The following PCDHA4 variants were observed in gnomAD, a reference collection of about 807,000 sequenced individuals.
PCDHA4 encodes the protein protocadherin alpha 4, also known as protocadherin alpha-4.
PCDHA4 carries 49 observed loss-of-function variants against 61.4 expected under a neutral mutation model. That is an observed-to-expected ratio of 0.80 (90% CI 0.63 to 1.01). The LOEUF (loss-of-function observed/expected upper bound fraction) is 1.01, where lower values mean the gene tolerates loss of function less well. Ranked by LOEUF, PCDHA4 falls within the 50% of genes least tolerant of loss-of-function variation. PCDHA4 has a pLI of 0.00. For synonymous variants in PCDHA4, 590 were observed against 550.3 expected, an observed-to-expected ratio of 1.07 and a Z score of -1.01; for missense variants, 1,254 against 1,235.8, an observed-to-expected ratio of 1.01 and a Z score of -0.22.
At position 140,882,318 on chromosome 5, in the gene PCDHA4, G is replaced by A. The variant is rs534213144; in HGVS notation, c.2385+72746G>A. On this transcript the variant is annotated intron_variant, in intron 1 of 3. Transcript: ENST00000530339. ...CCAAGACCGCGGCAACTACTGCTCT[G>A]GCTTCTGATCCTCGCAGCCTGGGAG... 5 of 1,614,128 alleles carry A rather than the reference G, an allele frequency of 3.1e-6. No individual in the cohort carries two copies. In the African/African-American group the frequency reaches 6.7e-5, roughly 22 times the overall value.
intron 1 of PCDHA4, among the ~76,000 whole-genome samples, chr5:140,917,332 G>C (rs182473611): frequency 8.9e-5 from 13 of 145,644 alleles, no homozygotes; most frequent in East Asian, 6.0e-4. Flanking sequence ...GGCGGGGGAG[G>C]GGGGGGATGG....
chr5:140,822,855 G>A (rs2150119838), intron 1 of PCDHA4: 1 of 1,614,216 alleles, frequency 6.2e-7, no homozygotes, highest in Non-Finnish European at 8.5e-7. Context: ...CTGTCAAAGA[G>A]GACGCTCCAC....
chr5:141,001,461 C>G (rs2098019350), intron 3 of PCDHA4, among the ~76,000 whole-genome samples: 1 of 152,214 alleles, frequency 6.6e-6, no homozygotes, highest in South Asian at 2.1e-4. Context: ...AATTGAAGGA[C>G]TAAGCAGCAG....
At chr5:140,827,971 A>G in intron 1 of PCDHA4, 7 of 1,390,040 alleles carry the variant, frequency 5.0e-6, no homozygotes, top group Middle Eastern at 1.9e-4. Context: ...TTACTGCATC[A>G]TTCCCTGACT....
intron 1 of PCDHA4, among the ~76,000 whole-genome samples, chr5:140,887,104 T>G (rs1554182871): frequency 6.6e-6 from 1 of 151,604 alleles, no homozygotes; most frequent in Admixed American, 6.6e-5. Flanking sequence ...TTTATCTCTT[T>G]TTTTTTTTTT....
At chr5:140,927,679 G>A (rs782403424) in intron 1 of PCDHA4, 11 of 1,614,188 alleles carry the variant, frequency 6.8e-6, no homozygotes, top group Non-Finnish European at 5.1e-6. Flanking sequence ...TCCAGATGAA[G>A]GGTCCAATGG....
intron 3 of PCDHA4, among the ~76,000 whole-genome samples, chr5:140,996,580 C>T (rs1351485354): frequency 6.6e-6 from 1 of 152,130 alleles, no homozygotes; most frequent in African/African-American, 2.4e-5. Context: ...AATTTGTTAA[C>T]AAGGGCCGCC....
At chr5:140,842,039 C>A (rs2150327781) in intron 1 of PCDHA4, 4 of 1,613,698 alleles carry the variant, frequency 2.5e-6, no homozygotes, top group Admixed American at 3.3e-5. Flanking sequence ...TGATAATGCT[C>A]CCACTTTCGA....
chr5:140,928,043 C>A (rs1554205400), intron 1 of PCDHA4: 1 of 1,614,192 alleles, frequency 6.2e-7, no homozygotes, highest in Non-Finnish European at 8.5e-7. Context: ...AGTGCAGGCC[C>A]TTTTCAGCTG....
chr5:140,967,251 CG>C, intron 1 of PCDHA4: 1 of 1,613,410 alleles, frequency 6.2e-7, no homozygotes, highest in Non-Finnish European at 8.5e-7. Flanking sequence ...GAATCGGTGG[CG>C]CCTGGAGCGC....
intron 3 of PCDHA4, among the ~76,000 whole-genome samples, chr5:140,990,610 C>T (rs781969043): frequency 4.6e-5 from 7 of 152,080 alleles, no homozygotes; most frequent in African/African-American, 9.7e-5. Flanking sequence ...AGATGAATAC[C>T]GTAAAGGTCT....
chr5:140,998,438 A>T (rs114296649), intron 3 of PCDHA4, among the ~76,000 whole-genome samples: 1,585 of 152,188 alleles, frequency 0.01, 12 homozygotes, highest in Middle Eastern at 0.058. Flanking sequence ...TAACACTATT[A>T]TTGTATTTAT....
intron 3 of PCDHA4, among the ~76,000 whole-genome samples, chr5:141,005,701 CAA>C (rs59860837): frequency 3.2e-3 from 25 of 7,784 alleles, no homozygotes; most frequent in African/African-American, 6.6e-3. Flanking sequence ...AACTCCGTCT[CAA>C]AAAAAAAAAA....
chr5:140,928,461 C>T, intron 1 of PCDHA4: 2 of 1,614,108 alleles, frequency 1.2e-6, no homozygotes, highest in Non-Finnish European at 1.7e-6. Context: ...GGTTTCATTT[C>T]CAAGTAGAAG....
intron 1 of PCDHA4, chr5:140,835,840 A>G (rs1773975700): frequency 6.2e-7 from 1 of 1,612,274 alleles, no homozygotes; most frequent in Non-Finnish European, 8.5e-7. Flanking sequence ...GACGCGCAGA[A>G]GAACGCGCTG....
Position 140,834,565 on chromosome 5 carries a change from C to A in PCDHA4, c.2385+24993C>A, listed in dbSNP as rs376907347. 4 of 1,613,968 alleles carry A rather than the reference C, an allele frequency of 2.5e-6. No homozygotes were observed. In the South Asian group the frequency reaches 3.3e-5, roughly 13 times the overall value. On this transcript the variant is annotated intron_variant, in intron 1 of 3. Transcript: ENST00000530339. ...GGGCTGGAGCTGGCGGAGCTGGTGC[C>A]GCGCCTGTTCCGGGCGGTGTGCAAA...
intron 1 of PCDHA4, among the ~76,000 whole-genome samples, chr5:140,951,209 A>C (rs1302279809): frequency 6.6e-6 from 1 of 151,904 alleles, no homozygotes; most frequent in Non-Finnish European, 1.5e-5. Context: ...GTGTCATCTC[A>C]GGTTTGGATT....
chr5:140,843,056 A>G (rs2150351365), intron 1 of PCDHA4: 779,075 of 1,594,132 alleles, frequency 0.49, 229,035 homozygotes, highest in African/African-American at 0.71. Context: ...CGCAGCGAGC[A>G]AGCTGGTGCC....
rs374162485 is a variant in PCDHA4 at position 140,856,517 on chromosome 5, T to A, written c.2385+46945T>A. 8 of 1,598,368 alleles carry A rather than the reference T, an allele frequency of 5.0e-6. 1 individual carries two copies. Among genetic ancestry groups the A allele is most frequent in the Non-Finnish European group, 6.0e-6 (7 of 1,167,940 alleles). On this transcript the variant is annotated intron_variant, in intron 1 of 3. Coordinates refer to ENST00000530339, the MANE Select transcript of PCDHA4 (RefSeq NM_018907.4). ...CTCTCGATTTCCACTAGAAGGCGCA[T>A]CTGATGCGGATGTTGGAGAGAACGC...
Sources: allele counts gnomAD v4.1 joint callset (sites outside exome capture counted in the v4.1 genomes callset), GRCh38; gene constraint gnomAD v4.1.1; transcripts MANE v1.5; gene names NCBI Gene and HGNC (gene_info 2026-07-23, HGNC 2026-07-21).